Variants in PCDHGB4 observed in about 807,000 individuals in gnomAD.
The protein encoded by PCDHGB4 is protocadherin gamma-B4.
PCDHGB4 carries 38 observed loss-of-function variants against 60.5 expected under a neutral mutation model. That is an observed-to-expected ratio of 0.63 (90% CI 0.48 to 0.82). The LOEUF is 0.82. Among genes scored for constraint, PCDHGB4 ranks in the 40% least tolerant of loss-of-function variants. The pLI, the probability that PCDHGB4 is intolerant of heterozygous loss-of-function variation, is 0.00. For missense variants in PCDHGB4, 1,109 were observed against 1,209.6 expected (o/e 0.92, Z 1.23); for synonymous variants, 456 against 509.7 (o/e 0.89, Z 1.42).
At chr5:141,406,682 ATTC>A (rs1390945950) in intron 1 of PCDHGB4, among the ~76,000 whole-genome samples, 1 of 152,216 alleles carries the variant, frequency 6.6e-6, no homozygotes, top group Non-Finnish European at 1.5e-5. Flanking sequence ...ATAGTAGGAC[ATTC>A]TTCTTTTCTA....
chr5:141,420,321 C>G (rs763682825), intron 1 of PCDHGB4: 2 of 1,410,974 alleles, frequency 1.4e-6, no homozygotes, highest in Non-Finnish European at 1.9e-6. Flanking sequence ...TACAATATGC[C>G]AATATATTCC....
rs766428179 is a variant in PCDHGB4, at chr5:141,395,052, C to T, written c.2397+4771C>T. 25 of 1,614,148 alleles carry T rather than the reference C, an allele frequency of 1.5e-5. No homozygotes were observed. In the African/African-American group the frequency reaches 3.2e-4, roughly 21 times the overall value. On this transcript the variant is annotated intron_variant, in intron 1 of 3. Coordinates refer to ENST00000519479, the MANE Select transcript of PCDHGB4 (RefSeq NM_003736.4). Reference sequence around the variant, plus strand: ...ACATTTTGTGGGTGTTGAGGAGGTACAGGCTTTCCTGCAGACCTATTCCCA... The same window carrying T: ...ACATTTTGTGGGTGTTGAGGAGGTATAGGCTTTCCTGCAGACCTATTCCCA...
At chr5:141,428,792 T>A (rs1590880161) in intron 1 of PCDHGB4, 1 of 152,978 alleles carries the variant, frequency 6.5e-6, no homozygotes, top group Middle Eastern at 3.4e-3. Flanking sequence ...TTCCTTTCTG[T>A]GTGGGCCAGT....
At chr5:141,393,768 A>G in intron 1 of PCDHGB4, 1 of 1,613,968 alleles carries the variant, frequency 6.2e-7, no homozygotes, top group East Asian at 2.2e-5. Flanking sequence ...TGAAATGGAA[A>G]TACAAGCCGA....
chr5:141,387,793 A>T lies in PCDHGB4; in HGVS notation c.-92A>T. On this transcript the variant is annotated 5_prime_UTR_variant, in exon 1 of 4. The change creates a new upstream start codon in the 5' untranslated region. Transcript: ENST00000519479. Reference sequence around the variant, plus strand: ...TTTCTTGAACTGGAACTGCAACTAAAGTCCGTTCGGAGATCCAAAAATCTG... The same window carrying T: ...TTTCTTGAACTGGAACTGCAACTAATGTCCGTTCGGAGATCCAAAAATCTG... The T allele has an allele frequency of 6.7e-7, 1 of 1,495,928 alleles. No homozygotes were observed. Among genetic ancestry groups the T allele is most frequent in the Non-Finnish European group, 8.9e-7 (1 of 1,120,216 alleles). 92.7% of individuals were successfully genotyped at this position (1,495,928 alleles called of 1,614,324 possible).
In PCDHGB4 at chr5:141,409,573, C is replaced by A. The variant is rs562811168; in HGVS notation, c.2397+19292C>A. 7 of 1,613,816 alleles carry A rather than the reference C, an allele frequency of 4.3e-6. No individual in the cohort carries two copies. In the Admixed American group the frequency reaches 1.2e-4, roughly 27 times the overall value. ...CCCCAGTTTTCGACCAGACGTCCTA[C>A]GTGGTCCACGTGGCCGAGAACAACC... On this transcript the variant is annotated intron_variant, in intron 1 of 3. Transcript: ENST00000519479.
In PCDHGB4 at chr5:141,389,258, C is replaced by T. The variant is rs373970987; in HGVS notation, c.1374C>T (p.His458=). The stretch of plus-strand genomic sequence containing the variant: ...TCTCACAGTCTTCCTATATAGTCCA[C>T]GTGGCCGAGAACAACCCGCCTGGAG... ...PVFSQSSYIV[H]VAENNPPGAS... is the part of the protein sequence containing the mutation. Residue 458 remains histidine, a synonymous_variant, in exon 1 of 4, where the codon CAC becomes CAT. Coordinates refer to ENST00000519479, the MANE Select transcript of PCDHGB4 (RefSeq NM_003736.4). 4 of 1,614,022 alleles carry T rather than the reference C, an allele frequency of 2.5e-6. No homozygotes were observed. The African/African-American group carries it at 4.0e-5, about 16-fold the overall frequency.
rs1298448753 is a variant in PCDHGB4 at position 141,486,417 on chromosome 5, G to A, written c.2398-8390G>A. 1 of 1,614,132 alleles carries A rather than the reference G, an allele frequency of 6.2e-7. No individual in the cohort carries two copies. Among genetic ancestry groups the A allele is most frequent in the Non-Finnish European group, 8.5e-7 (1 of 1,179,998 alleles). ...CTGGTGACTGCTGGACCCTTGGATC[G>A]AGAGGCCAAATCTAGCTATGACATC... On this transcript the variant is annotated intron_variant, in intron 1 of 3. Transcript: ENST00000519479. The surrounding 1 kb of genome is among the most constrained non-coding windows in gnomAD (Gnocchi z 5.0).
intron 1 of PCDHGB4, among the ~76,000 whole-genome samples, chr5:141,454,795 A>G (rs79012896): frequency 9.1e-6 from 1 of 110,272 alleles, no homozygotes; most frequent in South Asian, 3.0e-4. Flanking sequence ...CCATGGTTCT[A>G]ATTTTTTTTT....
At chr5:141,473,809 A>C (rs1230574978) in intron 1 of PCDHGB4, among the ~76,000 whole-genome samples, 2 of 152,242 alleles carry the variant, frequency 1.3e-5, no homozygotes, top group East Asian at 3.8e-4. Flanking sequence ...ACTGAGGAGC[A>C]GCTGGACAAT....
chr5:141,404,862 C>A, intron 1 of PCDHGB4: 1 of 1,613,848 alleles, frequency 6.2e-7, no homozygotes, highest in Non-Finnish European at 8.5e-7. Context: ...GATAGAGATG[C>A]GCTCAAACAG....
At chr5:141,495,149 G>A (rs1448841303) in intron 2 of PCDHGB4, among the ~76,000 whole-genome samples, 1 of 152,170 alleles carries the variant, frequency 6.6e-6, no homozygotes, top group Non-Finnish European at 1.5e-5. Context: ...CCAAAGGATG[G>A]TCTTAAGCTG....
chr5:141,398,854 A>C, intron 1 of PCDHGB4: 1 of 1,613,984 alleles, frequency 6.2e-7, no homozygotes, highest in Non-Finnish European at 8.5e-7. Flanking sequence ...CCCGGTATTC[A>C]ACCGAGACGT....
In PCDHGB4 at chr5:141,404,612, G is replaced by A. The variant is rs774633321; in HGVS notation, c.2397+14331G>A. 2 of 1,614,110 alleles carry A rather than the reference G, an allele frequency of 1.2e-6. No homozygotes were observed. The highest frequency in any genetic ancestry group is 3.3e-5 in the Admixed American group (2 of 60,022). ...TGTGTCATTGAGACTGTTTGTTTTG[G>A]ACCAGAATGACAATGCCCCAGAAAT... On this transcript the variant is annotated intron_variant, in intron 1 of 3. Transcript: ENST00000519479.
chr5:141,475,951 G>A, intron 1 of PCDHGB4: 4 of 766,902 alleles, frequency 5.2e-6, no homozygotes, highest in South Asian at 1.9e-5. Flanking sequence ...CCCTTTCTGC[G>A]CCCCGGGATG....
Position 141,432,123 on chromosome 5 carries a change from C to T in PCDHGB4, c.2397+41842C>T. 6.2e-7 allele frequency: 1 copy of T among 1,614,172 alleles called. No homozygotes were observed. The highest frequency in any genetic ancestry group is 8.5e-7 in the Non-Finnish European group (1 of 1,180,042). ...GACAACCCGCCGGTCTTCCCTCAGGCCTCCTATTCCGCTTATATCCCAGAG... is the reference window on the plus strand; with the variant it reads ...GACAACCCGCCGGTCTTCCCTCAGGTCTCCTATTCCGCTTATATCCCAGAG... On this transcript the variant is annotated intron_variant, in intron 1 of 3. Coordinates refer to ENST00000519479, the MANE Select transcript of PCDHGB4 (RefSeq NM_003736.4). The surrounding 1 kb of genome is among the most constrained non-coding windows in gnomAD (Gnocchi z 6.0).
In PCDHGB4 at chr5:141,389,227, C is replaced by A. The variant is rs1412412051; in HGVS notation, c.1343C>A (p.Pro448Gln). ...ATTGGTGATGTAAATGACAACGCTC[C>A]GGTTTTCTCACAGTCTTCCTATATA... ...LHIGDVNDNA[P>Q]VFSQSSYIVH... Residue 448 changes from proline (P) to glutamine (Q), a missense_variant, in exon 1 of 4, where the codon CCG becomes CAG. Physicochemically the swap from Pro to Gln is moderately conservative, Grantham distance 76. Coordinates refer to ENST00000519479, the MANE Select transcript of PCDHGB4 (RefSeq NM_003736.4). 1 of 1,613,906 alleles carries A rather than the reference C, an allele frequency of 6.2e-7. No homozygotes were observed. The highest frequency in any genetic ancestry group is 8.5e-7 in the Non-Finnish European group (1 of 1,179,890).
Position 141,491,622 on chromosome 5 carries a change from C to T in PCDHGB4, c.2398-3185C>T, listed in dbSNP as rs980546113. 15 of 1,613,786 alleles carry T rather than the reference C, an allele frequency of 9.3e-6. No individual in the cohort carries two copies. Among genetic ancestry groups the T allele is most frequent in the Non-Finnish European group, 1.3e-5 (15 of 1,180,002 alleles). Reference sequence around the variant, plus strand: ...ACTTCACTTTTCTAAGACCCCTCAGCGTTCAGCAGCCCACAGCTCTGGCGC... The same window carrying T: ...ACTTCACTTTTCTAAGACCCCTCAGTGTTCAGCAGCCCACAGCTCTGGCGC... On this transcript the variant is annotated intron_variant, in intron 1 of 3. Transcript: ENST00000519479. This position sits in a 1 kb window ranked among gnomAD's most constrained non-coding sequence, Gnocchi z 6.9.
At chr5:141,494,183 G>A (rs971032835) in intron 1 of PCDHGB4, among the ~76,000 whole-genome samples, 2 of 152,146 alleles carry the variant, frequency 1.3e-5, no homozygotes, top group Non-Finnish European at 2.9e-5. Context: ...GAAGTGTCCC[G>A]GGACTTGGAT....
Sources: gnomAD v4.1 joint callset for allele counts (sites outside exome capture counted in the v4.1 genomes callset) on GRCh38, gnomAD v4.1.1 for gene constraint, Gnocchi (gnomAD v3.1) non-coding constraint, MANE v1.5 for transcripts, NCBI Gene and HGNC (gene_info 2026-07-23, HGNC 2026-07-21) for gene names.